The following ADCY2 variants were observed in gnomAD, a reference collection of about 807,000 sequenced individuals.
ADCY2 encodes adenylate cyclase 2.
Under a neutral mutation model 125.2 loss-of-function variants are expected in ADCY2, and 31 were observed. The observed-to-expected ratio is 0.25, with a 90% CI of 0.19 to 0.33. The LOEUF (loss-of-function observed/expected upper bound fraction) is 0.33, where lower values mean the gene tolerates loss of function less well. Among genes scored for constraint, ADCY2 ranks in the 10% least tolerant of loss-of-function variants. ADCY2 has a pLI of 1.00. For synonymous variants in ADCY2, 512 were observed against 548.4 expected (o/e 0.93, Z 0.93); for missense variants, 904 against 1,418.2 (o/e 0.64, Z 5.82).
chr5:7,784,339 C>G (rs1456777993), intron 18 of ADCY2, 26 bp from the exon 19 acceptor site: 8 of 1,555,380 alleles, frequency 5.1e-6, no homozygotes, highest in Non-Finnish European at 7.1e-6. Flanking sequence ...GCATTGTTGT[C>G]TGTTTGTCTG....
intron 2 of ADCY2, among the ~76,000 whole-genome samples, chr5:7,429,520 A>G (rs1324130654): frequency 6.6e-6 from 1 of 152,250 alleles, no homozygotes; most frequent in Non-Finnish European, 1.5e-5. Context: ...CTGGGCAACA[A>G]AGTGTTGCTG....
chr5:7,666,632 G>A (rs1318117089), intron 4 of ADCY2, among the ~76,000 whole-genome samples: 1 of 152,186 alleles, frequency 6.6e-6, no homozygotes, highest in Non-Finnish European at 1.5e-5. Context: ...GTCCAAGATT[G>A]CACAGCTGTG....
In ADCY2 at chr5:7,780,069, A is replaced by G. The variant is rs1281725299; in HGVS notation, c.2385-4296A>G. 2.0e-5 allele frequency among the ~76,000 whole-genome samples: 3 copies of G among 152,310 alleles called. No individual in the cohort carries two copies. The South Asian group carries it at 6.2e-4, about 32-fold the overall frequency. On this transcript the variant is annotated intron_variant, in intron 18 of 24. Coordinates refer to ENST00000338316, the MANE Select transcript of ADCY2 (RefSeq NM_020546.3). ...AGGAAATCCACAGGATCTGCAACAA[A>G]CACAGCAGGAGAGGACACCATGAAA...
chr5:7,709,396 TCC>T lies in ADCY2; in HGVS notation c.1578+12_1578+13del. 1.9e-6 allele frequency: 3 copies of T among 1,558,510 alleles called. No homozygotes were observed. Among genetic ancestry groups the T allele is most frequent in the Non-Finnish European group, 2.6e-6 (3 of 1,151,758 alleles). On this transcript the variant is annotated intron_variant, in intron 10 of 24. Coordinates refer to ENST00000338316, the MANE Select transcript of ADCY2 (RefSeq NM_020546.3). This position sits in a 1 kb window ranked among gnomAD's most constrained non-coding sequence, Gnocchi z 4.4. ...GCAAGATCAGCACCACGGTATGCCCTCCCCTGCCTCCAATGCCTGAGCACTGG... is the reference window on the plus strand; with the variant it reads ...GCAAGATCAGCACCACGGTATGCCCTCCTGCCTCCAATGCCTGAGCACTGG...
At chr5:7,552,725 T>C (rs1363249096) in intron 3 of ADCY2, among the ~76,000 whole-genome samples, 6 of 152,224 alleles carry the variant, frequency 3.9e-5, no homozygotes, top group African/African-American at 1.4e-4. Flanking sequence ...GAATTATGAA[T>C]GTACCAAATA....
intron 2 of ADCY2, among the ~76,000 whole-genome samples, chr5:7,459,639 C>T (rs765872444): frequency 9.9e-5 from 15 of 151,730 alleles, no homozygotes; most frequent in South Asian, 2.1e-4. Flanking sequence ...CAAAATTAAA[C>T]GGGTTATAGT....
chr5:7,457,166 A>G (rs1403338377), intron 2 of ADCY2, among the ~76,000 whole-genome samples: 1 of 152,208 alleles, frequency 6.6e-6, no homozygotes, highest in East Asian at 1.9e-4. Context: ...CTTGAAATTT[A>G]CTATACTCAT....
At chr5:7,756,971 C>T (rs895205220) in intron 15 of ADCY2, among the ~76,000 whole-genome samples, 65 of 152,176 alleles carry the variant, frequency 4.3e-4, no homozygotes, top group African/African-American at 1.5e-3. Flanking sequence ...TTTGTAAGTT[C>T]AGGCGCCAAA....
intron 3 of ADCY2, among the ~76,000 whole-genome samples, chr5:7,543,097 TATG>T (rs1579556016): frequency 6.6e-6 from 1 of 152,230 alleles, no homozygotes; most frequent in Non-Finnish European, 1.5e-5. Flanking sequence ...TCCTATGTTA[TATG>T]ATAAGATGAT....
Position 7,802,401 on chromosome 5 carries a change from C to T in ADCY2, c.2775+37C>T. 6.2e-7 allele frequency: 1 copy of T among 1,605,196 alleles called. No homozygotes were observed. The highest frequency in any genetic ancestry group is 8.5e-7 in the Non-Finnish European group (1 of 1,175,152). On this transcript the variant is annotated intron_variant, in intron 21 of 24. Coordinates refer to ENST00000338316, the MANE Select transcript of ADCY2 (RefSeq NM_020546.3). The surrounding 1 kb of genome is among the most constrained non-coding windows in gnomAD (Gnocchi z 4.6). ...GAGTTGCCCTCGAAGGGCAGCAGTACACTCAGTCTCACACCTGTGCACTTG... is the reference window on the plus strand; with the variant it reads ...GAGTTGCCCTCGAAGGGCAGCAGTATACTCAGTCTCACACCTGTGCACTTG...
rs1397374407 is a variant in ADCY2 at position 7,702,228 on chromosome 5, T to TC, written c.1109+3854_1109+3855insC. Among the ~76,000 whole-genome samples the TC allele has an allele frequency of 1.8e-3, 273 of 149,866 alleles. 1 individual carries two copies. Among genetic ancestry groups the TC allele is most frequent in the Middle Eastern group, 3.4e-3 (1 of 294 alleles). On this transcript the variant is annotated intron_variant, in intron 7 of 24. Coordinates refer to ENST00000338316, the MANE Select transcript of ADCY2 (RefSeq NM_020546.3). ...CCAGCATAGTGAAACCCTGTTTCTT[T>TC]TTTTTTTTTTTTTTTTAAACTTTCA...
intron 2 of ADCY2, among the ~76,000 whole-genome samples, chr5:7,513,106 C>CACAGAGAG (rs777343291): frequency 2.4e-4 from 33 of 138,540 alleles, no homozygotes; most frequent in African/African-American, 6.7e-4. Flanking sequence ...CACACACACA[C>CACAGAGAG]AGAGAGAGAG....
intron 19 of ADCY2, among the ~76,000 whole-genome samples, chr5:7,789,353 T>C (rs1375196184): frequency 6.6e-6 from 1 of 152,228 alleles, no homozygotes; most frequent in Non-Finnish European, 1.5e-5. Flanking sequence ...TTGAGCCCTC[T>C]TTTAGTAGCA....
chr5:7,667,378 C>T (rs546269940), intron 4 of ADCY2, among the ~76,000 whole-genome samples: 7 of 152,254 alleles, frequency 4.6e-5, no homozygotes, highest in African/African-American at 1.4e-4. Context: ...GCTAAAGAGA[C>T]CTCAGAACAG....
At chr5:7,518,480 A>T (rs759987890) in intron 2 of ADCY2, among the ~76,000 whole-genome samples, 6 of 152,246 alleles carry the variant, frequency 3.9e-5, no homozygotes, top group Non-Finnish European at 8.8e-5. Context: ...AATGCATATG[A>T]TGCTAAATAA....
At chr5:7,767,995 C>A (rs999113199) in intron 17 of ADCY2, among the ~76,000 whole-genome samples, 3 of 151,368 alleles carry the variant, frequency 2.0e-5, no homozygotes, top group Non-Finnish European at 2.9e-5. Context: ...CGTGCCACTG[C>A]ACTCCAGCCT....
intron 3 of ADCY2, among the ~76,000 whole-genome samples, chr5:7,609,429 A>G (rs763154609): frequency 1.3e-5 from 2 of 152,266 alleles, no homozygotes; most frequent in African/African-American, 4.8e-5. Context: ...GAGGCTGTCA[A>G]TAATATTTGT....
At chr5:7,479,252 A>G (rs1464093750) in intron 2 of ADCY2, among the ~76,000 whole-genome samples, 2 of 152,042 alleles carry the variant, frequency 1.3e-5, no homozygotes, top group South Asian at 2.1e-4. Context: ...TTATAAATAA[A>G]CCATGGTGTC....
chr5:7,458,433 T>G (rs1012336703), intron 2 of ADCY2, among the ~76,000 whole-genome samples: 3 of 152,200 alleles, frequency 2.0e-5, no homozygotes, highest in Non-Finnish European at 4.4e-5. Context: ...CAAATCATGA[T>G]CAGATATATT....
Sources: gnomAD v4.1 joint callset for allele counts (sites outside exome capture counted in the v4.1 genomes callset) on GRCh38, gnomAD v4.1.1 for gene constraint, Gnocchi (gnomAD v3.1) non-coding constraint, MANE v1.5 for transcripts, NCBI Gene and HGNC (gene_info 2026-07-23, HGNC 2026-07-21) for gene names.